Variants in FRMPD4 observed in about 807,000 individuals in gnomAD.
FRMPD4 encodes the protein FERM and PDZ domain-containing protein 4.
Under a neutral mutation model 94.1 loss-of-function variants are expected in FRMPD4, and 22 were observed. That is an observed-to-expected ratio of 0.23 (90% confidence interval 0.17 to 0.33). FRMPD4 has a LOEUF of 0.33. Ranked by LOEUF, FRMPD4 falls within the 10% of genes least tolerant of loss-of-function variation. FRMPD4 has a pLI of 1.00. For synonymous variants in FRMPD4, 631 were observed against 548.6 expected, an observed-to-expected ratio of 1.15 and a Z score of -2.10; for missense variants, 1,111 against 1,339.9, an observed-to-expected ratio of 0.83 and a Z score of 2.67.
chrX:12,119,960 G>T (rs745853257), intron 3 of FRMPD4, among the ~76,000 whole-genome samples: 3 of 112,321 alleles, frequency 2.7e-5, no homozygotes, highest in Non-Finnish European at 5.6e-5. Flanking sequence ...TAGTAGAAAT[G>T]AAAGACAAGT....
chrX:12,231,059 A>G (rs2057001212), intron 1 of FRMPD4, among the ~76,000 whole-genome samples: 3 of 69,205 alleles, frequency 4.3e-5, no homozygotes, highest in Admixed American at 2.0e-4. Flanking sequence ...AAATATATAT[A>G]TATATATATA....
intron 9 of FRMPD4, among the ~76,000 whole-genome samples, chrX:12,698,505 T>C (rs764219177): frequency 9.0e-6 from 1 of 111,259 alleles, no homozygotes; most frequent in South Asian, 3.9e-4. Flanking sequence ...AAGCCTCAAG[T>C]GGAGCCTTTT....
At chrX:12,473,221 T>C (rs2057540844) in intron 1 of FRMPD4, among the ~76,000 whole-genome samples, 1 of 109,320 alleles carries the variant, frequency 9.1e-6, no homozygotes, top group Non-Finnish European at 1.9e-5. Flanking sequence ...CTAACCTTCA[T>C]AAGTGAAGGA....
chrX:12,618,778 A>G (rs1431965091), intron 4 of FRMPD4, among the ~76,000 whole-genome samples: 1 of 111,732 alleles, frequency 8.9e-6, no homozygotes, highest in Non-Finnish European at 1.9e-5. Context: ...TAGAGATGCA[A>G]CTGGGAACCT....
At chrX:12,061,572 A>G (rs2054886724) in intron 3 of FRMPD4, among the ~76,000 whole-genome samples, 1 of 111,835 alleles carries the variant, frequency 8.9e-6, no homozygotes, top group Non-Finnish European at 1.9e-5. Context: ...ATGGAGTCCT[A>G]CAATTTGGAG....
chrX:12,465,380 T>C (rs1056601841), intron 1 of FRMPD4, among the ~76,000 whole-genome samples: 1 of 111,588 alleles, frequency 9.0e-6, no homozygotes, highest in Non-Finnish European at 1.9e-5. Flanking sequence ...AGAAGTATCT[T>C]CATGTGTTAG....
At chrX:12,598,479 T>A (rs745950095) in intron 2 of FRMPD4, among the ~76,000 whole-genome samples, 1 of 111,493 alleles carries the variant, frequency 9.0e-6, no homozygotes, top group East Asian at 2.8e-4. Flanking sequence ...TGCCAGCACC[T>A]CCCATTGTTT....
chrX:11,990,825 G>A (rs927101729), intron 3 of FRMPD4, among the ~76,000 whole-genome samples: 8 of 111,649 alleles, frequency 7.2e-5, no homozygotes, highest in African/African-American at 2.6e-4. Context: ...CCTCTACACA[G>A]GGCTTTACAG....
At chrX:12,175,242 G>A (rs767610262) in intron 1 of FRMPD4, among the ~76,000 whole-genome samples, 1 of 112,077 alleles carries the variant, frequency 8.9e-6, no homozygotes, top group Non-Finnish European at 1.9e-5. Context: ...TAAAGAATGG[G>A]CAGGAGATGA....
At chrX:12,349,235 C>T (rs767729395) in intron 1 of FRMPD4, among the ~76,000 whole-genome samples, 36 of 110,993 alleles carry the variant, frequency 3.2e-4, no homozygotes, top group Non-Finnish European at 4.7e-4. Flanking sequence ...TTATCTCAGC[C>T]GAAAGGAAAT....
At chrX:12,290,238 C>T (rs1221932268) in intron 1 of FRMPD4, among the ~76,000 whole-genome samples, 1 of 112,042 alleles carries the variant, frequency 8.9e-6, no homozygotes, top group Non-Finnish European at 1.9e-5. Context: ...GAATTTACTA[C>T]TGACTGATTT....
At chrX:11,989,541 C>T (rs1455248306) in intron 3 of FRMPD4, among the ~76,000 whole-genome samples, 1 of 109,668 alleles carries the variant, frequency 9.1e-6, no homozygotes, top group African/African-American at 3.3e-5. Context: ...TTAATGGGCA[C>T]AAAAAATAGA....
At chrX:12,065,806 A>C (rs1184438870) in intron 3 of FRMPD4, among the ~76,000 whole-genome samples, 1 of 112,146 alleles carries the variant, frequency 8.9e-6, no homozygotes, top group Non-Finnish European at 1.9e-5. Flanking sequence ...AGTAATTTTA[A>C]TGTTTATATG....
At chrX:12,670,891 A>C (rs1360719832) in intron 4 of FRMPD4, among the ~76,000 whole-genome samples, 1 of 112,437 alleles carries the variant, frequency 8.9e-6, no homozygotes, top group Non-Finnish European at 1.9e-5. Flanking sequence ...CAGATTTACA[A>C]GAAAAAAACA....
At chrX:12,687,276 C>A (rs1203463984) in intron 7 of FRMPD4, among the ~76,000 whole-genome samples, 2 of 112,003 alleles carry the variant, frequency 1.8e-5, no homozygotes, top group Non-Finnish European at 3.8e-5. Flanking sequence ...CAAATCATTC[C>A]AGATGAAATA....
At chrX:12,089,038 A>T (rs931558295) in intron 3 of FRMPD4, among the ~76,000 whole-genome samples, 1 of 112,166 alleles carries the variant, frequency 8.9e-6, no homozygotes, top group African/African-American at 3.2e-5. Flanking sequence ...TGTACTATAT[A>T]TGCTATATAT....
At chrX:12,116,139 A>G (rs1181253157) in intron 3 of FRMPD4, among the ~76,000 whole-genome samples, 5 of 112,056 alleles carry the variant, frequency 4.5e-5, no homozygotes, top group African/African-American at 9.7e-5. Context: ...TTATCAGAAC[A>G]TTCCAGACGC....
intron 1 of FRMPD4, among the ~76,000 whole-genome samples, chrX:12,484,032 G>A (rs993527678): frequency 1.8e-5 from 2 of 111,514 alleles, no homozygotes; most frequent in African/African-American, 3.3e-5. Flanking sequence ...TATAATGACA[G>A]TAAGTGAATG....
At chrX:12,716,001 T>TGGGGGGGCCCCCCCCC in intron 14 of FRMPD4, 68 bp from the exon 15 acceptor site, 1 of 231,656 alleles carries the variant, frequency 4.3e-6, no homozygotes, top group Non-Finnish European at 8.2e-6. Flanking sequence ...GAGACGAGCC[T>TGGGGGGGCCCCCCCCC]CCCACCCCCG....
Sources: gnomAD v4.1 joint callset for allele counts (sites outside exome capture counted in the v4.1 genomes callset) on GRCh38, gnomAD v4.1.1 for gene constraint, MANE v1.5 for transcripts, NCBI Gene and HGNC (gene_info 2026-07-23, HGNC 2026-07-21) for gene names.